Variants in NSD1 observed in about 807,000 individuals in gnomAD.
NSD1 encodes histone-lysine N-methyltransferase, H3 lysine-36 specific.
In NSD1, 26 loss-of-function variants were observed where a neutral mutation model predicts 242.7. The observed-to-expected ratio is 0.11, with a 90% confidence interval of 0.08 to 0.15. The LOEUF (loss-of-function observed/expected upper bound fraction) is 0.15. NSD1 is among the 10% of genes least tolerant of loss of function. NSD1 has a pLI of 1.00. For synonymous variants in NSD1, 1,106 were observed against 1,178.1 expected, an observed-to-expected ratio of 0.94 and a Z score of 1.25; for missense variants, 2,495 against 3,272.8, an observed-to-expected ratio of 0.76 and a Z score of 5.80.
chr5:177,158,274 TTTC>T (rs1471407639), intron 2 of NSD1, among the ~76,000 whole-genome samples: 70 of 104,506 alleles, frequency 6.7e-4, no homozygotes, highest in South Asian at 2.4e-3. Flanking sequence ...TCTTTCTTTC[TTTC>T]TTTCTTTCTT....
At chr5:177,274,697 T>TTGTGTGTGTGTGTGTGTGTGTGTG (rs138385964) in intron 17 of NSD1, among the ~76,000 whole-genome samples, 2 of 145,350 alleles carry the variant, frequency 1.4e-5, no homozygotes, top group Non-Finnish European at 3.0e-5. Context: ...CACTTATCCT[T>TTGTGTGTGTGTGTGTGTGTGTGTG]TGTGTGTGTG....
intron 5 of NSD1, among the ~76,000 whole-genome samples, chr5:177,212,994 A>G (rs1191497174): frequency 2.0e-5 from 3 of 152,096 alleles, no homozygotes; most frequent in African/African-American, 7.2e-5. Flanking sequence ...AATTTGATGA[A>G]CCACATGCGC....
At chr5:177,213,854 G>T (rs1279253602) in intron 5 of NSD1, among the ~76,000 whole-genome samples, 1 of 152,160 alleles carries the variant, frequency 6.6e-6, no homozygotes, top group Non-Finnish European at 1.5e-5. Context: ...TGGTCCTTTT[G>T]GGTCTGGTTT....
chr5:177,244,353 G>A (rs1766114286), intron 9 of NSD1, 83 bp downstream of exon 9: 6 of 983,650 alleles, frequency 6.1e-6, no homozygotes, highest in Admixed American at 1.9e-5. Flanking sequence ...ATTGTTACAT[G>A]TGTAAGCCCG....
intron 2 of NSD1, among the ~76,000 whole-genome samples, chr5:177,140,353 G>T (rs894381187): frequency 1.3e-5 from 2 of 152,166 alleles, no homozygotes; most frequent in African/African-American, 4.8e-5. Flanking sequence ...TAGGATGGAT[G>T]TAGTCAGGTA....
chr5:177,299,385 G>A lies in NSD1; in HGVS notation c.*3926G>A, dbSNP rs1031725221. On this transcript the variant is annotated 3_prime_UTR_variant, in exon 23 of 23. Transcript: ENST00000439151. ...TGGAGTGGCCCAGTGCAATCCAGAG[G>A]TGGAAGAGATCCTATATCCAGGTGA... 1.3e-5 allele frequency: 3 copies of A among 233,150 alleles called. No homozygotes were observed. Among genetic ancestry groups the A allele is most frequent in the African/African-American group, 6.6e-5 (3 of 45,338 alleles). The allele number at this position is 233,150 out of a possible 1,614,324, so 14.4% of individuals were successfully genotyped here. A position where few individuals can be genotyped will look rare whatever the true frequency, so the allele number is the denominator to read the frequency against.
chr5:177,267,283 A>C (rs1757571709), intron 14 of NSD1, among the ~76,000 whole-genome samples: 1 of 152,182 alleles, frequency 6.6e-6, no homozygotes. Flanking sequence ...ATTGTTTATT[A>C]GAGAAAACTC....
intron 14 of NSD1, chr5:177,266,153 C>T (rs2149928139): frequency 2.8e-6 from 3 of 1,089,656 alleles, no homozygotes; most frequent in Non-Finnish European, 4.3e-6. Context: ...CTTGTCCGGG[C>T]ATAGAGCACA....
chr5:177,265,951 G>GTTAC, intron 14 of NSD1: 2 of 1,233,874 alleles, frequency 1.6e-6, no homozygotes, highest in South Asian at 2.4e-5. Context: ...GGCAGGCGTT[G>GTTAC]GTAACCAGCT....
intron 5 of NSD1, among the ~76,000 whole-genome samples, chr5:177,226,482 A>T (rs1414398050): frequency 6.6e-6 from 1 of 152,138 alleles, no homozygotes; most frequent in Non-Finnish European, 1.5e-5. Flanking sequence ...ATTGCTATCG[A>T]GGTTTATTTA....
chr5:177,221,652 G>A (rs1764246174), intron 5 of NSD1, among the ~76,000 whole-genome samples: 1 of 151,572 alleles, frequency 6.6e-6, no homozygotes, highest in South Asian at 2.1e-4. Context: ...TGCATTTTTA[G>A]TAGAGATGGG....
intron 14 of NSD1, among the ~76,000 whole-genome samples, chr5:177,261,670 T>C (rs1757010311): frequency 6.6e-6 from 1 of 152,206 alleles, no homozygotes; most frequent in South Asian, 2.1e-4. Flanking sequence ...AGGTAAATGA[T>C]ACTTTTCTAA....
intron 12 of NSD1, among the ~76,000 whole-genome samples, chr5:177,254,873 TTC>T (rs1354433006): frequency 6.6e-6 from 1 of 152,246 alleles, no homozygotes; most frequent in Non-Finnish European, 1.5e-5. Context: ...GTGGGTTTTT[TTC>T]TCTTTTTCCT....
intron 20 of NSD1, among the ~76,000 whole-genome samples, chr5:177,286,269 T>C (rs1759320632): frequency 6.6e-6 from 1 of 152,226 alleles, no homozygotes. Flanking sequence ...TTGTGACAAT[T>C]TTTAGATTTT....
chr5:177,218,106 T>C (rs1763930942), intron 5 of NSD1, among the ~76,000 whole-genome samples: 1 of 152,060 alleles, frequency 6.6e-6, no homozygotes, highest in Admixed American at 6.6e-5. Flanking sequence ...ACAGGTCAGG[T>C]TTTACTATGT....
At chr5:177,274,277 T>C (rs1428674373) in intron 17 of NSD1, among the ~76,000 whole-genome samples, 1 of 152,252 alleles carries the variant, frequency 6.6e-6, no homozygotes, top group Non-Finnish European at 1.5e-5. Flanking sequence ...AGTGAAATAG[T>C]CATCACCATT....
intron 2 of NSD1, among the ~76,000 whole-genome samples, chr5:177,167,069 T>G (rs1158056301): frequency 6.6e-6 from 1 of 152,084 alleles, no homozygotes; most frequent in Non-Finnish European, 1.5e-5. Context: ...AGTTACTTTT[T>G]ATATATTGAA....
chr5:177,146,982 G>A (rs1757301456), intron 2 of NSD1, among the ~76,000 whole-genome samples: 1 of 149,374 alleles, frequency 6.7e-6, no homozygotes, highest in Non-Finnish European at 1.5e-5. Context: ...ACTCTAGCCT[G>A]GGTGACAGAG....
At chr5:177,289,652 G>T (rs1562302333) in intron 21 of NSD1, among the ~76,000 whole-genome samples, 1 of 151,996 alleles carries the variant, frequency 6.6e-6, no homozygotes, top group Non-Finnish European at 1.5e-5. Context: ...TCTAAATGTA[G>T]CATAACATCA....
Sources: allele counts gnomAD v4.1 joint callset (sites outside exome capture counted in the v4.1 genomes callset), GRCh38; gene constraint gnomAD v4.1.1; transcripts MANE v1.5; gene names NCBI Gene and HGNC (gene_info 2026-07-23, HGNC 2026-07-21).